The following PACRG variants were observed in gnomAD, a reference collection of about 807,000 sequenced individuals.
PACRG encodes the protein parkin coregulated gene protein.
Under a neutral mutation model 29.7 loss-of-function variants are expected in PACRG, and 29 were observed. The ratio of observed to expected loss-of-function variants is 0.98; its 90% CI spans 0.73 to 1.33. The LOEUF is 1.33. PACRG is among the 40% of genes most tolerant of loss of function. The pLI, the probability that PACRG is intolerant of heterozygous loss-of-function variation, is 0.00. For missense variants in PACRG, 279 were observed against 316.2 expected (o/e 0.88, Z 0.89); for synonymous variants, 116 against 118.7 (o/e 0.98, Z 0.15).
chr6:163,288,440 T>G (rs1784471387), intron 4 of PACRG, among the ~76,000 whole-genome samples: 1 of 152,256 alleles, frequency 6.6e-6, no homozygotes, highest in African/African-American at 2.4e-5. Context: ...TTTCCTCATC[T>G]GAAAAACAGG....
chr6:162,903,555 T>TAAA (rs958693858), intron 2 of PACRG, among the ~76,000 whole-genome samples: 4 of 152,074 alleles, frequency 2.6e-5, no homozygotes, highest in African/African-American at 9.7e-5. Context: ...TTTCCCCTTA[T>TAAA]AAAACCATCA....
intron 2 of PACRG, among the ~76,000 whole-genome samples, chr6:162,844,829 T>TA (rs1458297046): frequency 6.6e-5 from 10 of 152,236 alleles, no homozygotes; most frequent in African/African-American, 2.4e-4. Flanking sequence ...GTATTATAGT[T>TA]ATTTATATAA....
At chr6:163,196,691 G>T (rs1217898280) in intron 4 of PACRG, among the ~76,000 whole-genome samples, 1 of 152,112 alleles carries the variant, frequency 6.6e-6, no homozygotes, top group Non-Finnish European at 1.5e-5. Flanking sequence ...GAGAGGCCAA[G>T]AAATAAACAG....
In PACRG at chr6:163,079,740, C is replaced by T. The variant is rs79794432; in HGVS notation, c.464-9519C>T. On this transcript the variant is annotated intron_variant, in intron 3 of 4. Coordinates refer to ENST00000366888, the MANE Select transcript of PACRG (RefSeq NM_001080379.2). ...CTTCTTGGAAATTGGTCTCTTTACC[C>T]GTCTTCTATTTTGTGCACATCTCTT... Among the ~76,000 whole-genome samples the T allele has an allele frequency of 5.9e-5, 9 of 152,098 alleles. No homozygotes were observed. The East Asian group carries it at 1.2e-3, about 20-fold the overall frequency.
intron 4 of PACRG, among the ~76,000 whole-genome samples, chr6:163,285,532 A>G (rs763755184): frequency 6.6e-6 from 1 of 152,226 alleles, no homozygotes; most frequent in Non-Finnish European, 1.5e-5. Context: ...CAATCCTGAC[A>G]TCTTTAATCT....
At chr6:163,100,838 C>A in intron 4 of PACRG, 1 of 984,630 alleles carries the variant, frequency 1.0e-6, no homozygotes, top group Non-Finnish European at 1.2e-6. Flanking sequence ...GACATATTCT[C>A]TAGAAAAACT....
chr6:163,240,044 A>G (rs1195920235), intron 4 of PACRG, among the ~76,000 whole-genome samples: 1 of 146,886 alleles, frequency 6.8e-6, no homozygotes, highest in Non-Finnish European at 1.5e-5. Flanking sequence ...CCCTACTTCT[A>G]CAGACACATA....
chr6:162,856,509 C>A (rs1791412162), intron 2 of PACRG, among the ~76,000 whole-genome samples: 1 of 152,158 alleles, frequency 6.6e-6, no homozygotes, highest in African/African-American at 2.4e-5. Context: ...AGAGAATCAT[C>A]CCGAGTCTCC....
intron 3 of PACRG, among the ~76,000 whole-genome samples, chr6:163,087,920 A>G (rs990064954): frequency 6.6e-6 from 1 of 152,206 alleles, no homozygotes; most frequent in Non-Finnish European, 1.5e-5. Context: ...GGAGACACAA[A>G]TTCAAGAGAT....
At chr6:163,242,543 G>A (rs1206051658) in intron 4 of PACRG, among the ~76,000 whole-genome samples, 1 of 152,222 alleles carries the variant, frequency 6.6e-6, no homozygotes, top group East Asian at 1.9e-4. Flanking sequence ...GAGCCAAAAA[G>A]TGAGAGACAG....
At chr6:162,730,110 G>C (rs995819903) in intron 1 of PACRG, among the ~76,000 whole-genome samples, 4 of 149,710 alleles carry the variant, frequency 2.7e-5, no homozygotes, top group African/African-American at 1.0e-4. Flanking sequence ...CAGTTCTGGG[G>C]ATTTGGGATC....
chr6:162,931,241 T>C (rs548510304), intron 2 of PACRG, among the ~76,000 whole-genome samples: 110 of 152,050 alleles, frequency 7.2e-4, no homozygotes, highest in Admixed American at 1.8e-3. Flanking sequence ...ATGTATGCTT[T>C]GCAAATATTT....
At chr6:162,988,393 TGAG>T (rs1803101167) in intron 2 of PACRG, among the ~76,000 whole-genome samples, 1 of 152,052 alleles carries the variant, frequency 6.6e-6, no homozygotes. Flanking sequence ...ACGCTTGAGT[TGAG>T]GAGACAGTAG....
At position 162,795,896 on chromosome 6, in the gene PACRG, T is replaced by C. The variant is rs531999693; in HGVS notation, c.157-18251T>C. Among the ~76,000 whole-genome samples the C allele has an allele frequency of 8.5e-5, 13 of 152,294 alleles. No individual in the cohort carries two copies. The South Asian group carries it at 2.7e-3, about 32-fold the overall frequency. ...CTCCTAATTGATCAGCACTTTTGTA[T>C]ATGAAAACTATAGATTTTTGCATGT... On this transcript the variant is annotated intron_variant, in intron 1 of 4. Transcript: ENST00000366888.
chr6:163,031,878 G>A (rs538479118), intron 2 of PACRG, among the ~76,000 whole-genome samples: 1 of 152,208 alleles, frequency 6.6e-6, no homozygotes, highest in East Asian at 1.9e-4. Flanking sequence ...TGTATAATAG[G>A]CAAGGTATGA....
chr6:163,001,207 T>A (rs1804558953), intron 2 of PACRG, among the ~76,000 whole-genome samples: 1 of 152,224 alleles, frequency 6.6e-6, no homozygotes, highest in Admixed American at 6.5e-5. Context: ...TTTGATGCAC[T>A]GTCCAAAGAG....
At chr6:162,793,049 G>A (rs1376049401) in intron 1 of PACRG, among the ~76,000 whole-genome samples, 1 of 152,118 alleles carries the variant, frequency 6.6e-6, no homozygotes, top group East Asian at 1.9e-4. Flanking sequence ...GCAGTCCAAG[G>A]GCAGGTGATT....
chr6:163,116,877 G>A (rs1042243075), intron 4 of PACRG, among the ~76,000 whole-genome samples: 2 of 152,162 alleles, frequency 1.3e-5, no homozygotes, highest in South Asian at 2.1e-4. Context: ...CACAGGAGAC[G>A]CAGGTGGTGC....
chr6:162,910,617 T>C (rs1796239235), intron 2 of PACRG, among the ~76,000 whole-genome samples: 1 of 152,184 alleles, frequency 6.6e-6, no homozygotes, highest in African/African-American at 2.4e-5. Flanking sequence ...TTAGCAATTT[T>C]CCCCAAAACA....
Sources: allele counts gnomAD v4.1 joint callset (sites outside exome capture counted in the v4.1 genomes callset), GRCh38; gene constraint gnomAD v4.1.1; transcripts MANE v1.5; gene names NCBI Gene and HGNC (gene_info 2026-07-23, HGNC 2026-07-21).